The following MAP3K19 variants were observed in gnomAD, a reference collection of about 807,000 sequenced individuals.
The protein encoded by MAP3K19 is mitogen-activated protein kinase kinase kinase 19.
In MAP3K19, 91 loss-of-function variants were observed where a neutral mutation model predicts 114.4. That is an observed-to-expected ratio of 0.80 (90% CI 0.67 to 0.95). The LOEUF (loss-of-function observed/expected upper bound fraction) is 0.95, where lower values mean the gene tolerates loss of function less well. Among genes scored for constraint, MAP3K19 ranks in the 40% least tolerant of loss-of-function variants. The probability of loss-of-function intolerance (pLI) is 0.00; values close to 1 mark genes in which losing one functional copy is unlikely to be tolerated. For missense variants in MAP3K19, 1,471 were observed against 1,573.2 expected (o/e 0.94, Z 1.10); for synonymous variants, 518 against 530.5 (o/e 0.98, Z 0.32).
intron 12 of MAP3K19, among the ~76,000 whole-genome samples, chr2:134,968,795 G>A (rs1181927923): frequency 4.0e-5 from 6 of 151,774 alleles, no homozygotes; most frequent in East Asian, 2.0e-4. Flanking sequence ...ATGTGATGGC[G>A]GCTGGGAAGA....
chr2:135,046,383 T>G (rs1006808630), intron 1 of MAP3K19, among the ~76,000 whole-genome samples: 5 of 152,148 alleles, frequency 3.3e-5, no homozygotes, highest in Non-Finnish European at 7.4e-5. Context: ...GTTCAAACAA[T>G]TCTCCTGCCT....
intron 3 of MAP3K19, among the ~76,000 whole-genome samples, chr2:135,028,690 A>G (rs1340581806): frequency 6.6e-6 from 1 of 152,228 alleles, no homozygotes; most frequent in Non-Finnish European, 1.5e-5. Flanking sequence ...CAAAACTGAA[A>G]AGCTACCGCA....
Position 134,986,385 on chromosome 2 carries a change from T to G in MAP3K19, c.2487A>C (p.Ile829=). 6.2e-7 allele frequency: 1 copy of G among 1,613,892 alleles called. No homozygotes were observed. Among genetic ancestry groups the G allele is most frequent in the South Asian group, 1.1e-5 (1 of 91,068 alleles). ...TGDRDISNNQ[I]LTTSLRDLQE... ...GCAGATCTCTGAGGCTTGTGGTGAGTATTTGATTGTTAGAAATGTCTCTAT... is the reference window on the plus strand; with the variant it reads ...GCAGATCTCTGAGGCTTGTGGTGAGGATTTGATTGTTAGAAATGTCTCTAT... The change falls in exon 10 of 13, where the codon ATA becomes ATC. Residue 829 remains isoleucine, a synonymous_variant. Coordinates refer to ENST00000392915, the MANE Select transcript of MAP3K19 (RefSeq NM_025052.5).
At chr2:135,007,716 G>A (rs534476347) in intron 5 of MAP3K19, among the ~76,000 whole-genome samples, 17 of 152,160 alleles carry the variant, frequency 1.1e-4, no homozygotes, top group Middle Eastern at 3.4e-3. Context: ...GTCAATGGCG[G>A]ATGGGTTCAC....
At chr2:135,017,905 C>T (rs975510853) in intron 5 of MAP3K19, among the ~76,000 whole-genome samples, 1 of 152,136 alleles carries the variant, frequency 6.6e-6, no homozygotes, top group Non-Finnish European at 1.5e-5. Context: ...TTATGTACCA[C>T]TAAAAATGAC....
intron 12 of MAP3K19, among the ~76,000 whole-genome samples, chr2:134,972,410 T>C (rs1683942979): frequency 6.6e-6 from 1 of 152,168 alleles, no homozygotes; most frequent in African/African-American, 2.4e-5. Context: ...TTATTTCTTT[T>C]TTTCTACTAA....
chr2:134,991,598 A>G lies in MAP3K19; in HGVS notation c.575-18T>C, dbSNP rs749492239. 6 of 1,602,098 alleles carry G rather than the reference A, an allele frequency of 3.7e-6. No individual in the cohort carries two copies. Among genetic ancestry groups the G allele is most frequent in the African/African-American group, 1.3e-5 (1 of 74,680 alleles). On this transcript the variant is annotated intron_variant, in intron 8 of 12. Transcript: ENST00000392915. ...CGAAAACTCTACAACAAGAAAAACA[A>G]TAACTGGATATTCTTAGTAGTAGAA...
chr2:135,019,758 A>G (rs1687842287), intron 5 of MAP3K19, among the ~76,000 whole-genome samples: 1 of 152,242 alleles, frequency 6.6e-6, no homozygotes, highest in Non-Finnish European at 1.5e-5. Flanking sequence ...CAAAAGGTAC[A>G]AATGAGTAAA....
At chr2:135,015,798 C>A (rs559771549) in intron 5 of MAP3K19, among the ~76,000 whole-genome samples, 37 of 151,782 alleles carry the variant, frequency 2.4e-4, no homozygotes, top group African/African-American at 8.0e-4. Context: ...GAGGCGGAGG[C>A]AGGAGAATCC....
chr2:134,998,821 G>C lies in MAP3K19; in HGVS notation c.491C>G (p.Ser164Cys), dbSNP rs769228724. The change falls in exon 8 of 13, where the codon TCT becomes TGT. Residue 164 changes from serine to cysteine, a missense_variant. Transcript: ENST00000392915. ...NVNLGFLLPR[S>C]CLELNISKSV... ...CTTGGAAATGTTCAGTTCTAAACAA[G>C]ATCTTGGTAGCAAAAAGCCCAAGTT... 2 of 1,614,162 alleles carry C rather than the reference G, an allele frequency of 1.2e-6. No homozygotes were observed. The highest frequency in any genetic ancestry group is 1.7e-6 in the Non-Finnish European group (2 of 1,180,026).
intron 2 of MAP3K19, among the ~76,000 whole-genome samples, chr2:135,039,123 CTTTTTT>C (rs61309665): frequency 5.3e-5 from 6 of 112,478 alleles, no homozygotes; most frequent in African/African-American, 8.7e-5. Context: ...AATTTTCTTT[CTTTTTT>C]TTTTTTTTTT....
rs958521102 is a variant in MAP3K19, at chr2:135,041,048, G to GT, written c.-423-547dup. ...ATTCTACAGGTGAAAATTCTTGTTG[G>GT]TTTTTTTTTTTAGCTTGTTTATTAA... is the stretch of plus-strand genomic sequence containing the variant. On this transcript the variant is annotated intron_variant, in intron 1 of 12. Transcript: ENST00000392915. 4.6e-4 allele frequency among the ~76,000 whole-genome samples: 67 copies of GT among 145,642 alleles called. 1 individual carries two copies. Among genetic ancestry groups the GT allele is most frequent in the South Asian group, 1.8e-3 (8 of 4,566 alleles).
At chr2:134,978,823 C>T (rs890169995) in intron 12 of MAP3K19, among the ~76,000 whole-genome samples, 6 of 152,202 alleles carry the variant, frequency 3.9e-5, no homozygotes, top group Admixed American at 2.6e-4. Context: ...CCAGGCCCTT[C>T]AATACATTGC....
In MAP3K19 at chr2:134,987,150, G is replaced by A; in HGVS notation, c.1722C>T (p.Phe574=). The change falls in exon 10 of 13, where the codon TTC becomes TTT. Residue 574 remains phenylalanine (F), a synonymous_variant. Coordinates refer to ENST00000392915, the MANE Select transcript of MAP3K19 (RefSeq NM_025052.5). The part of the protein sequence containing the change: ...MHKTSIKTQI[F]PALGLVDPRP... Reference sequence around the variant, plus strand: ...TGGGGTCCACAAGTCCCAAAGCCGGGAAAATTTGTGTTTTTATGCTGGTTT... The same window carrying A: ...TGGGGTCCACAAGTCCCAAAGCCGGAAAAATTTGTGTTTTTATGCTGGTTT... The A allele has an allele frequency of 6.2e-7, 1 of 1,614,150 alleles. No homozygotes were observed. The highest frequency in any genetic ancestry group is 8.5e-7 in the Non-Finnish European group (1 of 1,180,030).
At chr2:134,968,001 C>T (rs1683501686) in intron 12 of MAP3K19, among the ~76,000 whole-genome samples, 1 of 152,074 alleles carries the variant, frequency 6.6e-6, no homozygotes, top group Non-Finnish European at 1.5e-5. Flanking sequence ...GCAGAGGACC[C>T]TGCGGCCTTC....
intron 8 of MAP3K19, among the ~76,000 whole-genome samples, chr2:134,998,395 C>T (rs988820565): frequency 1.3e-5 from 2 of 152,068 alleles, no homozygotes; most frequent in Admixed American, 1.3e-4. Flanking sequence ...GTATAGTTTA[C>T]AAAATAATGT....
intron 5 of MAP3K19, among the ~76,000 whole-genome samples, chr2:135,013,761 C>G (rs1244209142): frequency 6.6e-6 from 1 of 152,088 alleles, no homozygotes; most frequent in African/African-American, 2.4e-5. Flanking sequence ...GCTCCCTGCC[C>G]CCACCCCAAT....
intron 12 of MAP3K19, among the ~76,000 whole-genome samples, chr2:134,980,313 T>C (rs1684542672): frequency 6.6e-6 from 1 of 152,228 alleles, no homozygotes; most frequent in African/African-American, 2.4e-5. Context: ...TCTAACATTT[T>C]ACCCACAATT....
In MAP3K19 at chr2:134,999,855, T is replaced by C; in HGVS notation, c.314+82A>G. 1 of 905,758 alleles carries C rather than the reference T, an allele frequency of 1.1e-6. No individual in the cohort carries two copies. The highest frequency in any genetic ancestry group is 1.8e-6 in the Non-Finnish European group (1 of 546,264). The allele number at this position is 905,758 out of a possible 1,614,324, so 56.1% of individuals were successfully genotyped here. On this transcript the variant is annotated intron_variant, in intron 7 of 12. Transcript: ENST00000392915. The surrounding 1 kb of genome is among the most constrained non-coding windows in gnomAD (Gnocchi z 4.1). Reference sequence around the variant, plus strand: ...CTTTTAAGCATTATTATGGATTCAATTACTAATAATGTAGGTTGCCATATG... The same window carrying C: ...CTTTTAAGCATTATTATGGATTCAACTACTAATAATGTAGGTTGCCATATG...
Sources: gnomAD v4.1 joint callset for allele counts (sites outside exome capture counted in the v4.1 genomes callset) on GRCh38, gnomAD v4.1.1 for gene constraint, Gnocchi (gnomAD v3.1) non-coding constraint, MANE v1.5 for transcripts, NCBI Gene and HGNC (gene_info 2026-07-23, HGNC 2026-07-21) for gene names.